Variants in DLG2 observed in about 807,000 individuals in gnomAD.
DLG2 encodes the protein disks large homolog 2.
DLG2 carries 45 observed loss-of-function variants against 132.5 expected under a neutral mutation model. The ratio of observed to expected loss-of-function variants is 0.34; its 90% CI spans 0.27 to 0.44. The LOEUF (loss-of-function observed/expected upper bound fraction) is 0.44. Among genes scored for constraint, DLG2 ranks in the 20% least tolerant of loss-of-function variants. The pLI is 1.00. For synonymous variants in DLG2, 424 were observed against 419.6 expected, an observed-to-expected ratio of 1.01 and a Z score of -0.13; for missense variants, 1,045 against 1,196.9, an observed-to-expected ratio of 0.87 and a Z score of 1.87.
chr11:85,351,868 C>A (rs568241730), intron 3 of DLG2, among the ~76,000 whole-genome samples: 20 of 152,264 alleles, frequency 1.3e-4, no homozygotes, highest in African/African-American at 4.8e-4. Flanking sequence ...GGCTAAAATT[C>A]TCTTTTTTTG....
chr11:84,903,593 T>G (rs1484435855), intron 6 of DLG2, among the ~76,000 whole-genome samples: 1 of 152,176 alleles, frequency 6.6e-6, no homozygotes, highest in African/African-American at 2.4e-5. Flanking sequence ...ACACATATAG[T>G]GTTATCTCCA....
chr11:84,674,902 T>C (rs1037405199), intron 6 of DLG2, among the ~76,000 whole-genome samples: 1 of 152,164 alleles, frequency 6.6e-6, no homozygotes, highest in Non-Finnish European at 1.5e-5. Context: ...AGTCTTCCCA[T>C]TTGTTAATGA....
chr11:83,728,052 A>G (rs1026573788), intron 18 of DLG2, among the ~76,000 whole-genome samples: 5 of 152,198 alleles, frequency 3.3e-5, no homozygotes, highest in African/African-American at 1.2e-4. Context: ...ACATCTAATC[A>G]GGCACCAAAT....
At chr11:85,035,622 A>G (rs149770722) in intron 6 of DLG2, among the ~76,000 whole-genome samples, 62 of 152,268 alleles carry the variant, frequency 4.1e-4, no homozygotes, top group African/African-American at 1.4e-3. Context: ...ACGGTTCACA[A>G]TGAGATTTTG....
rs953392184 is a variant in DLG2, at chr11:84,253,070, T to C, written c.520-1779A>G. 2.8e-4 allele frequency among the ~76,000 whole-genome samples: 42 copies of C among 152,168 alleles called. 1 individual carries two copies. The highest frequency in any genetic ancestry group is 9.9e-4 in the African/African-American group (41 of 41,438). The stretch of plus-strand genomic sequence containing the variant: ...AACCTTGGCATACATATGTATATAA[T>C]GGATCAACTAGTTAGTCATAATATT... On this transcript the variant is annotated intron_variant, in intron 7 of 27. Transcript: ENST00000376104.
rs371631999 is a variant in DLG2, at chr11:85,471,947, T to C, written c.40+126710A>G. Among the ~76,000 whole-genome samples the C allele has an allele frequency of 9.2e-5, 14 of 152,272 alleles. No individual in the cohort carries two copies. In the South Asian group the frequency reaches 1.5e-3, roughly 16 times the overall value. On this transcript the variant is annotated intron_variant, in intron 3 of 27. Transcript: ENST00000376104. ...AAAAAAGACCCACAAGGAACCATAA[T>C]GTGACTTTTAGATAATAACAGAATA...
At chr11:84,430,823 G>T (rs1043354831) in intron 7 of DLG2, among the ~76,000 whole-genome samples, 3 of 152,182 alleles carry the variant, frequency 2.0e-5, no homozygotes, top group African/African-American at 7.2e-5. Context: ...ACTGCAGCAG[G>T]GCTGCGTTCA....
intron 3 of DLG2, among the ~76,000 whole-genome samples, chr11:85,378,192 A>C (rs1196373991): frequency 1.3e-5 from 2 of 152,132 alleles, no homozygotes; most frequent in Non-Finnish European, 2.9e-5. Context: ...CAAACAATTC[A>C]TACAGAAATT....
At chr11:84,413,887 C>T (rs1362179918) in intron 7 of DLG2, among the ~76,000 whole-genome samples, 1 of 152,110 alleles carries the variant, frequency 6.6e-6, no homozygotes, top group East Asian at 1.9e-4. Flanking sequence ...CAGGAGGAAA[C>T]TAGCTGAGAG....
intron 12 of DLG2, among the ~76,000 whole-genome samples, chr11:83,972,442 T>C (rs1168592756): frequency 6.6e-6 from 1 of 152,156 alleles, no homozygotes; most frequent in East Asian, 1.9e-4. Flanking sequence ...TCATGCTTTG[T>C]TGATCCTGCT....
chr11:84,585,694 C>CT (rs1247401675), intron 6 of DLG2, among the ~76,000 whole-genome samples: 11 of 152,198 alleles, frequency 7.2e-5, no homozygotes, highest in Middle Eastern at 3.4e-3. Flanking sequence ...TTTATACATC[C>CT]TTTTTTGCAT....
At chr11:84,055,696 A>C (rs1006715835) in intron 11 of DLG2, among the ~76,000 whole-genome samples, 2 of 152,112 alleles carry the variant, frequency 1.3e-5, no homozygotes, top group Admixed American at 1.3e-4. Flanking sequence ...CTTAAGTGAC[A>C]CTTGCTTACA....
At chr11:83,498,675 G>GA (rs149518875) in intron 21 of DLG2, among the ~76,000 whole-genome samples, 14,026 of 132,924 alleles carry the variant, frequency 0.11, 1,662 homozygotes, top group African/African-American at 0.3. Context: ...AAAGCAAGGA[G>GA]AAAAAAAAAA....
chr11:83,913,426 G>T (rs2076401372), intron 15 of DLG2, among the ~76,000 whole-genome samples: 1 of 152,030 alleles, frequency 6.6e-6, no homozygotes, highest in Non-Finnish European at 1.5e-5. Context: ...CTGGCACTAG[G>T]GATAGAGGAA....
At chr11:85,467,434 C>T (rs184756810) in intron 3 of DLG2, among the ~76,000 whole-genome samples, 56 of 152,222 alleles carry the variant, frequency 3.7e-4, no homozygotes, top group African/African-American at 1.2e-3. Flanking sequence ...CAGTATGATA[C>T]TGGCTGTGGG....
At chr11:84,811,775 T>C (rs994910141) in intron 6 of DLG2, among the ~76,000 whole-genome samples, 10 of 152,304 alleles carry the variant, frequency 6.6e-5, no homozygotes, top group East Asian at 3.9e-4. Context: ...TGCTAGGCCA[T>C]AGATATTCAA....
rs116077869 is a variant in DLG2, at chr11:83,710,578, G to A, written c.1825+76112C>T. Among the ~76,000 whole-genome samples the A allele has an allele frequency of 9.2e-3, 1,399 of 152,276 alleles. 21 individuals are homozygous for A. Among genetic ancestry groups the A allele is most frequent in the African/African-American group, 0.031 (1,280 of 41,548 alleles). ...AAAGAGCAGTGGTATTGGAATGACAGAAGAGGATAATCAGAGACTAATTAA... is the reference window on the plus strand; with the variant it reads ...AAAGAGCAGTGGTATTGGAATGACAAAAGAGGATAATCAGAGACTAATTAA... On this transcript the variant is annotated intron_variant, in intron 18 of 27. Transcript: ENST00000376104.
intron 21 of DLG2, among the ~76,000 whole-genome samples, chr11:83,516,214 T>G (rs889380038): frequency 1.9e-4 from 29 of 152,334 alleles, no homozygotes; most frequent in Non-Finnish European, 3.8e-4. Context: ...TGCTCCTGTA[T>G]TGGGTGCATA....
At chr11:84,894,139 CT>C (rs1175590185) in intron 6 of DLG2, among the ~76,000 whole-genome samples, 4 of 152,148 alleles carry the variant, frequency 2.6e-5, no homozygotes, top group African/African-American at 7.2e-5. Context: ...GGTTCTCAAG[CT>C]TGGCCTCCTA....
Sources: allele counts gnomAD v4.1 joint callset (sites outside exome capture counted in the v4.1 genomes callset), GRCh38; gene constraint gnomAD v4.1.1; transcripts MANE v1.5; gene names NCBI Gene and HGNC (gene_info 2026-07-23, HGNC 2026-07-21).